Variants in TUB observed in about 807,000 individuals in gnomAD.
TUB encodes the protein tubby protein homolog.
In TUB, 33 loss-of-function variants were observed where a neutral mutation model predicts 59.7. The observed-to-expected ratio is 0.55, with a 90% CI of 0.42 to 0.74. The LOEUF (loss-of-function observed/expected upper bound fraction) is 0.74. TUB is among the 30% of genes least tolerant of loss of function. TUB has a pLI of 0.00. For missense variants in TUB, 659 were observed against 672.0 expected (o/e 0.98, Z 0.21); for synonymous variants, 293 against 256.4 (o/e 1.14, Z -1.36).
At chr11:8,083,148 G>A (rs11822825) in intron 1 of TUB, among the ~76,000 whole-genome samples, 11,812 of 152,270 alleles carry the variant, frequency 0.078, 1,519 homozygotes, top group African/African-American at 0.27. Flanking sequence ...GCAGCCCCAT[G>A]GAGCGTCATC....
intron 1 of TUB, 47 bp downstream of exon 1, chr11:8,081,595 G>C (rs775775522): frequency 2.7e-6 from 4 of 1,484,460 alleles, no homozygotes; most frequent in Non-Finnish European, 3.6e-6. Context: ...GACTCGGGAC[G>C]TGAGCTGGCT....
At chr11:8,057,867 T>G (rs763580590) in intron 2 of TUB, among the ~76,000 whole-genome samples, 4 of 152,174 alleles carry the variant, frequency 2.6e-5, no homozygotes, top group Non-Finnish European at 4.4e-5. Flanking sequence ...GGGCACTGGT[T>G]CTGTCAGCTT....
At chr11:8,062,760 T>G (rs1943157328) in intron 2 of TUB, among the ~76,000 whole-genome samples, 2 of 151,978 alleles carry the variant, frequency 1.3e-5, no homozygotes, top group African/African-American at 4.8e-5. Context: ...AATCTTTATT[T>G]TAGAAAGCTC....
chr11:8,081,852 A>T (rs1482321860), intron 1 of TUB, among the ~76,000 whole-genome samples: 1 of 152,156 alleles, frequency 6.6e-6, no homozygotes, highest in Non-Finnish European at 1.5e-5. Context: ...GCCCCCTCCT[A>T]GGCCCAGAAC....
intron 2 of TUB, among the ~76,000 whole-genome samples, chr11:8,059,185 G>A (rs771083073): frequency 1.4e-4 from 22 of 152,132 alleles, no homozygotes; most frequent in Admixed American, 6.5e-4. Context: ...CTGGCCGGGG[G>A]CACTGGGGCT....
chr11:8,039,063 C>T (rs753997862), intron 1 of TUB: 2 of 1,603,590 alleles, frequency 1.2e-6, no homozygotes, highest in Non-Finnish European at 1.7e-6. Context: ...AGCCCATGGG[C>T]CCAACCATTG....
At chr11:8,093,338 T>C (rs1404720261) in intron 3 of TUB, among the ~76,000 whole-genome samples, 1 of 152,118 alleles carries the variant, frequency 6.6e-6, no homozygotes, top group African/African-American at 2.4e-5. Context: ...CAGCCTGGTG[T>C]GGCTGCAACT....
intron 2 of TUB, among the ~76,000 whole-genome samples, chr11:8,062,439 C>T (rs1369074127): frequency 6.6e-6 from 1 of 151,822 alleles, no homozygotes; most frequent in Non-Finnish European, 1.5e-5. Flanking sequence ...GGGAGCCAGG[C>T]GCTGTCAGGG....
rs1351918811 is a variant in TUB, at chr11:8,103,360, A to G, written c.*1741A>G. On this transcript the variant is annotated 3_prime_UTR_variant, in exon 12 of 12. Transcript: ENST00000299506. ...GCAAGCAGGGGTCGTACCTTGCTTT[A>G]GAGTAGATGTTTGGAAAAGCTAAGT... 6.6e-6 allele frequency: 1 copy of G among 152,222 alleles called. No individual in the cohort carries two copies. The highest frequency in any genetic ancestry group is 1.5e-5 in the Non-Finnish European group (1 of 68,026). 9.4% of individuals were successfully genotyped at this position (152,222 alleles called of 1,614,324 possible).
intron 1 of TUB, among the ~76,000 whole-genome samples, chr11:8,031,350 G>T (rs1942568270): frequency 6.6e-6 from 1 of 151,986 alleles, no homozygotes; most frequent in Admixed American, 6.5e-5. Flanking sequence ...CCACAGGCCT[G>T]CTTTCACAGG....
chr11:8,026,365 C>G (rs192892333), intron 1 of TUB, among the ~76,000 whole-genome samples: 6 of 151,442 alleles, frequency 4.0e-5, no homozygotes, highest in African/African-American at 1.5e-4. Context: ...AAATCATTGC[C>G]TACTTTGCGG....
chr11:8,094,229 G>A (rs2133854021), intron 4 of TUB, 40 bp downstream of exon 4: 4 of 1,572,016 alleles, frequency 2.5e-6, no homozygotes, highest in South Asian at 2.4e-5. Context: ...AGCAGGCCTG[G>A]CCTCCACTGT....
At chr11:8,046,410 A>T (rs1171447852) in intron 2 of TUB, among the ~76,000 whole-genome samples, 3 of 151,936 alleles carry the variant, frequency 2.0e-5, no homozygotes, top group Non-Finnish European at 1.5e-5. Context: ...TATCACACAG[A>T]CCCCTCAAAC....
chr11:8,021,402 G>A (rs1055065977), intron 1 of TUB, among the ~76,000 whole-genome samples: 13 of 151,546 alleles, frequency 8.6e-5, no homozygotes, highest in African/African-American at 2.2e-4. Context: ...CCGGGGAGGC[G>A]GAGCTTGCAG....
intron 2 of TUB, among the ~76,000 whole-genome samples, chr11:8,049,563 A>G (rs563230807): frequency 2.2e-4 from 19 of 87,556 alleles, no homozygotes; most frequent in Non-Finnish European, 4.3e-4. Flanking sequence ...ATTATGTGGT[A>G]TATATATATA....
intron 11 of TUB, among the ~76,000 whole-genome samples, 194 bp downstream of exon 11, chr11:8,101,191 C>T (rs55778440): frequency 0.038 from 5,715 of 152,226 alleles, 175 homozygotes; most frequent in African/African-American, 0.087. Context: ...CAGCCCTGGT[C>T]CTAGATTCTG....
chr11:8,028,410 T>A (rs1476290685), intron 1 of TUB, among the ~76,000 whole-genome samples: 1 of 152,226 alleles, frequency 6.6e-6, no homozygotes, highest in Non-Finnish European at 1.5e-5. Flanking sequence ...CTTGATAAGG[T>A]CCTTTGAAGC....
rs572870600 is a variant in TUB, at chr11:8,073,624, C to A, written c.204-15986C>A. Among the ~76,000 whole-genome samples the A allele has an allele frequency of 2.4e-4, 36 of 152,348 alleles. No homozygotes were observed. In the South Asian group the frequency reaches 6.2e-3, roughly 26 times the overall value. On this transcript the variant is annotated intron_variant, in intron 2 of 12. Transcript: ENST00000305253. The stretch of plus-strand genomic sequence containing the variant: ...CCCGCTCTTCCTGATCACCTTAATT[C>A]CTTGTTGCCTATCTGCAAATCCAAT...
At chr11:8,101,391 C>G in intron 11 of TUB, 95 bp from the exon 12 acceptor site, 55 of 1,475,328 alleles carry the variant, frequency 3.7e-5, no homozygotes, top group Non-Finnish European at 4.9e-5. Flanking sequence ...CTCACTTGTT[C>G]TTCCCTCATG....
Sources: allele counts gnomAD v4.1 joint callset (sites outside exome capture counted in the v4.1 genomes callset), GRCh38; gene constraint gnomAD v4.1.1; transcripts MANE v1.5; gene names NCBI Gene and HGNC (gene_info 2026-07-23, HGNC 2026-07-21).